The following TBC1D2B variants were observed in gnomAD, a reference collection of about 807,000 sequenced individuals.
TBC1D2B encodes TBC1 domain family, member 2B.
Under a neutral mutation model 100.8 loss-of-function variants are expected in TBC1D2B, and 64 were observed. That is an observed-to-expected ratio of 0.64 (90% CI 0.52 to 0.78). TBC1D2B has a LOEUF of 0.78. TBC1D2B is among the 30% of genes least tolerant of loss of function. TBC1D2B has a pLI of 0.00. For synonymous variants in TBC1D2B, 480 were observed against 479.7 expected (o/e 1.00, Z -0.01); for missense variants, 1,052 against 1,218.4 (o/e 0.86, Z 2.03).
In TBC1D2B at chr15:78,025,962, AC is replaced by A. The variant is rs552835446; in HGVS notation, c.848-466del. On this transcript the variant is annotated intron_variant, in intron 4 of 12. Transcript: ENST00000300584. ...ACAGGAGATTGATGACTCTGCCCCC[AC>A]TGCATTCTAGATAGTAACCAACATG... Among the ~76,000 whole-genome samples, 444 of 151,372 alleles carry A rather than the reference AC, an allele frequency of 2.9e-3. 3 individuals are homozygous for A. Among genetic ancestry groups the A allele is most frequent in the Middle Eastern group, 0.024 (7 of 294 alleles).
chr15:78,012,315 C>T (rs994095070), intron 9 of TBC1D2B, among the ~76,000 whole-genome samples: 7 of 152,148 alleles, frequency 4.6e-5, no homozygotes, highest in South Asian at 2.1e-4. Context: ...AGAGGCTTTT[C>T]GGCATCCTCT....
At chr15:78,044,341 C>G (rs770704885) in intron 3 of TBC1D2B, among the ~76,000 whole-genome samples, 3 of 152,068 alleles carry the variant, frequency 2.0e-5, no homozygotes, top group Non-Finnish European at 4.4e-5. Flanking sequence ...GCCTGTAGTC[C>G]CAACTACTCA....
intron 1 of TBC1D2B, among the ~76,000 whole-genome samples, chr15:78,071,720 G>A (rs1426473596): frequency 6.6e-6 from 1 of 152,154 alleles, no homozygotes; most frequent in Non-Finnish European, 1.5e-5. Flanking sequence ...ACTTCTAAAG[G>A]GTCAGGGCTC....
At chr15:78,019,046 G>C (rs1413326238) in intron 6 of TBC1D2B, among the ~76,000 whole-genome samples, 4 of 151,990 alleles carry the variant, frequency 2.6e-5, no homozygotes, top group Admixed American at 1.3e-4. Flanking sequence ...GGCAGGCCAG[G>C]GTAGTCAAGA....
intron 1 of TBC1D2B, chr15:78,066,000 A>G (rs1234011501): frequency 4.2e-6 from 2 of 470,948 alleles, no homozygotes; most frequent in African/African-American, 2.0e-5. Flanking sequence ...CTCTGGTGAA[A>G]AGCTGAGGGA....
At chr15:78,048,029 C>T (rs556794343) in intron 2 of TBC1D2B, among the ~76,000 whole-genome samples, 3 of 152,298 alleles carry the variant, frequency 2.0e-5, no homozygotes, top group South Asian at 2.1e-4. Context: ...AGGTGATGAA[C>T]GGCCCCTCTG....
chr15:78,044,931 A>G lies in TBC1D2B; in HGVS notation c.652T>C (p.Tyr218His), dbSNP rs144959644. 1.4e-5 allele frequency: 22 copies of G among 1,613,178 alleles called. No individual in the cohort carries two copies. In the African/African-American group the frequency reaches 2.7e-4, roughly 20 times the overall value. The change falls in exon 3 of 13, where the codon TAC becomes CAC. Residue 218 changes from tyrosine to histidine, a missense_variant. Physicochemically the swap from Tyr to His is moderately conservative, Grantham distance 83. Transcript: ENST00000300584. The stretch of plus-strand genomic sequence containing the variant: ...TCATTGCCCCACTGTTTCAAAGAGT[A>G]AAAATTAATGGAATTTGGATGCCCT... ...APGHPNSINF[Y>H]SLKQWGNELK...
chr15:78,003,553 G>T, intron 10 of TBC1D2B, 63 bp from the exon 11 acceptor site: 1 of 1,321,308 alleles, frequency 7.6e-7, no homozygotes, highest in Non-Finnish European at 1.1e-6. Context: ...AAGCAGACGA[G>T]CAGACGCGCA....
intron 7 of TBC1D2B, chr15:78,016,944 TAGA>T (rs1022614068): frequency 1.4e-5 from 7 of 503,566 alleles, no homozygotes; most frequent in African/African-American, 6.0e-5. Context: ...CTCTTCCTTA[TAGA>T]AGGAGTGCTG....
In TBC1D2B at chr15:77,998,454, G is replaced by C. The variant is rs549750570; in HGVS notation, c.2697-99C>G. 4 of 1,165,548 alleles carry C rather than the reference G, an allele frequency of 3.4e-6. No homozygotes were observed. In the African/African-American group the frequency reaches 4.7e-5, roughly 14 times the overall value. The allele number at this position is 1,165,548 out of a possible 1,614,324, so 72.2% of individuals were successfully genotyped here. ...ATAGCAGGTGGCCTGGGGCAGGGTGGGAAGAGCGCTGGCCAGGCTTGGGGC... is the reference window on the plus strand; with the variant it reads ...ATAGCAGGTGGCCTGGGGCAGGGTGCGAAGAGCGCTGGCCAGGCTTGGGGC... On this transcript the variant is annotated intron_variant, in intron 12 of 12. Coordinates refer to ENST00000300584, the MANE Select transcript of TBC1D2B (RefSeq NM_144572.2).
chr15:78,014,308 G>T (rs1473411314), intron 8 of TBC1D2B, among the ~76,000 whole-genome samples: 1 of 152,214 alleles, frequency 6.6e-6, no homozygotes, highest in African/African-American at 2.4e-5. Flanking sequence ...ACCAGTAAAA[G>T]AAAACTACTA....
intron 10 of TBC1D2B, among the ~76,000 whole-genome samples, chr15:78,005,262 C>G (rs564561514): frequency 6.6e-6 from 1 of 152,294 alleles, no homozygotes; most frequent in East Asian, 1.9e-4. Context: ...CTCTGGAGGA[C>G]ATGGAATGAC....
intron 9 of TBC1D2B, among the ~76,000 whole-genome samples, chr15:78,012,552 C>A (rs1350985582): frequency 6.6e-6 from 1 of 152,116 alleles, no homozygotes; most frequent in Non-Finnish European, 1.5e-5. Context: ...AACCCGAGTG[C>A]GATGAGAACA....
intron 1 of TBC1D2B, among the ~76,000 whole-genome samples, chr15:78,076,929 A>C (rs2073837936): frequency 1.3e-5 from 2 of 152,236 alleles, no homozygotes; most frequent in African/African-American, 4.8e-5. Flanking sequence ...AAAGTTCTAA[A>C]GGAGGCCCCA....
At chr15:78,003,106 G>T in intron 11 of TBC1D2B, 199 bp downstream of exon 11, 1 of 544,502 alleles carries the variant, frequency 1.8e-6, no homozygotes, top group South Asian at 2.3e-5. Context: ...GATGTGGGTT[G>T]AATGTTTCTG....
intron 1 of TBC1D2B, among the ~76,000 whole-genome samples, chr15:78,072,751 T>G (rs1413903889): frequency 6.6e-6 from 1 of 152,190 alleles, no homozygotes; most frequent in East Asian, 1.9e-4. Flanking sequence ...TGTTTAAGCT[T>G]CACCCTCGGT....
intron 10 of TBC1D2B, among the ~76,000 whole-genome samples, chr15:78,006,613 T>C (rs1010375996): frequency 6.6e-5 from 10 of 152,226 alleles, no homozygotes; most frequent in Admixed American, 2.0e-4. Context: ...AGGCCCAGAG[T>C]TGCAGAGGCC....
chr15:78,022,436 T>C (rs2072538245), intron 6 of TBC1D2B, among the ~76,000 whole-genome samples: 2 of 152,230 alleles, frequency 1.3e-5, no homozygotes, highest in African/African-American at 4.8e-5. Context: ...GATGGGTATA[T>C]ATTTAGGGTC....
chr15:78,071,915 A>G (rs2073747700), intron 1 of TBC1D2B, among the ~76,000 whole-genome samples: 1 of 152,224 alleles, frequency 6.6e-6, no homozygotes, highest in African/African-American at 2.4e-5. Context: ...GTGCTGGTCA[A>G]TTTGGTTCCT....
Sources: gnomAD v4.1 joint callset for allele counts (sites outside exome capture counted in the v4.1 genomes callset) on GRCh38, gnomAD v4.1.1 for gene constraint, MANE v1.5 for transcripts, NCBI Gene and HGNC (gene_info 2026-07-23, HGNC 2026-07-21) for gene names.